Variants in FBXW4 observed in about 807,000 individuals in gnomAD.
The protein encoded by FBXW4 is F-box and WD repeat domain containing 4.
FBXW4 carries 40 observed loss-of-function variants against 61.8 expected under a neutral mutation model. The observed-to-expected ratio is 0.65, with a 90% confidence interval of 0.50 to 0.84. The LOEUF (loss-of-function observed/expected upper bound fraction) is 0.84. FBXW4 is among the 40% of genes least tolerant of loss of function. FBXW4 has a pLI of 0.00. For missense variants in FBXW4, 672 were observed against 753.8 expected, an observed-to-expected ratio of 0.89 and a Z score of 1.27; for synonymous variants, 311 against 313.8, an observed-to-expected ratio of 0.99 and a Z score of 0.10.
chr10:101,684,950 T>C (rs2064519666), intron 1 of FBXW4, among the ~76,000 whole-genome samples: 1 of 152,214 alleles, frequency 6.6e-6, no homozygotes, highest in Admixed American at 6.5e-5. Context: ...TGGAGCTGAC[T>C]GAACTGACCC....
upstream of FBXW4, chr10:101,695,226 C>G (rs962697150): frequency 1.2e-5 from 12 of 980,684 alleles, no homozygotes; most frequent in Non-Finnish European, 1.5e-5. The surrounding 1 kb of genome is among the most constrained non-coding windows in gnomAD (Gnocchi z 4.2). Flanking sequence ...GAGCCCTGGG[C>G]ACGCCCCTCA....
intron 4 of FBXW4, among the ~76,000 whole-genome samples, chr10:101,668,820 C>G (rs892601238): frequency 6.6e-6 from 1 of 152,156 alleles, no homozygotes; most frequent in African/African-American, 2.4e-5. Context: ...ATGACACACA[C>G]AGGGACATAA....
chr10:101,677,163 C>T (rs2064421028), intron 1 of FBXW4, among the ~76,000 whole-genome samples: 2 of 152,116 alleles, frequency 1.3e-5, no homozygotes, highest in South Asian at 4.1e-4. Context: ...TAAATCTAAA[C>T]ATATGTGTAC....
At chr10:101,622,727 C>CAAAAAAAAAAA (rs61319559) in intron 6 of FBXW4, 1 of 48,382 alleles carries the variant, frequency 2.1e-5, no homozygotes, top group Non-Finnish European at 3.9e-5. Context: ...GACTTCATCT[C>CAAAAAAAAAAA]AAAAAAAAAA....
chr10:101,668,794 C>A (rs1285063263), intron 4 of FBXW4, among the ~76,000 whole-genome samples: 2 of 152,174 alleles, frequency 1.3e-5, no homozygotes, highest in Non-Finnish European at 2.9e-5. Context: ...TCCCCCCTCA[C>A]TTCACCCTAC....
Position 101,694,392 on chromosome 10 carries a change from G to A in FBXW4, c.714C>T (p.Leu238=). ...GAGCGGACGCTTACAGGTCGGTGCC[G>A]AGCCGCGTGAAGCCGGAGTTGAGCG... is the stretch of plus-strand genomic sequence containing the variant. ...RASLNSGFTR[L]GTDLMTSVPV... Residue 238 remains leucine (L), a synonymous_variant, in exon 1 of 9, where the codon CTC becomes CTT. Transcript: ENST00000331272. The surrounding 1 kb of genome is among the most constrained non-coding windows in gnomAD (Gnocchi z 6.0). The A allele has an allele frequency of 1.4e-6, 2 of 1,474,028 alleles. No individual in the cohort carries two copies. The highest frequency in any genetic ancestry group is 1.4e-5 in the South Asian group (1 of 73,836). The allele number at this position is 1,474,028 out of a possible 1,614,324, so 91.3% of individuals were successfully genotyped here. A position where few individuals can be genotyped will look rare whatever the true frequency, so the allele number is the denominator to read the frequency against.
At chr10:101,647,247 A>T (rs1027693940) in intron 5 of FBXW4, among the ~76,000 whole-genome samples, 1 of 152,110 alleles carries the variant, frequency 6.6e-6, no homozygotes, top group Non-Finnish European at 1.5e-5. Context: ...TAGGGAATGG[A>T]TCTCTCACCC....
chr10:101,657,519 A>G (rs1380679315), intron 5 of FBXW4, among the ~76,000 whole-genome samples: 1 of 151,708 alleles, frequency 6.6e-6, no homozygotes, highest in Non-Finnish European at 1.5e-5. Flanking sequence ...CTGTAGTACC[A>G]GCTACTTGGG....
intron 1 of FBXW4, among the ~76,000 whole-genome samples, chr10:101,685,690 C>T (rs536131758): frequency 2.0e-5 from 3 of 152,136 alleles, no homozygotes; most frequent in African/African-American, 7.2e-5. Context: ...CTGAAACTTG[C>T]TTTTTTAAAA....
At chr10:101,663,902 A>G (rs2064269855) in intron 5 of FBXW4, among the ~76,000 whole-genome samples, 1 of 152,228 alleles carries the variant, frequency 6.6e-6, no homozygotes, top group Admixed American at 6.5e-5. Context: ...CAGGTCATGA[A>G]TCTTAAAAAC....
At chr10:101,635,130 G>C (rs1379356891) in intron 5 of FBXW4, among the ~76,000 whole-genome samples, 1 of 149,112 alleles carries the variant, frequency 6.7e-6, no homozygotes, top group East Asian at 1.9e-4. Flanking sequence ...GTTAGATCAG[G>C]GGTAGCATTA....
chr10:101,668,152 C>T (rs185025596), intron 4 of FBXW4, among the ~76,000 whole-genome samples, 172 bp from the exon 5 acceptor site: 1 of 152,324 alleles, frequency 6.6e-6, no homozygotes, highest in East Asian at 1.9e-4. Flanking sequence ...GGCTCACCTA[C>T]CCCCGCAGAT....
Position 101,636,990 on chromosome 10 carries a change from G to A in FBXW4, c.1236-12180C>T, listed in dbSNP as rs527799086. Among the ~76,000 whole-genome samples the A allele has an allele frequency of 1.5e-3, 225 of 152,212 alleles. 2 individuals carry two copies. The highest frequency in any genetic ancestry group is 5.0e-3 in the African/African-American group (206 of 41,516). On this transcript the variant is annotated intron_variant, in intron 5 of 8. Coordinates refer to ENST00000331272, the MANE Select transcript of FBXW4 (RefSeq NM_022039.4). ...TATTTGCTTCAAAATAATATGGGAC[G>A]GGAAAGTGTGTAGGGATTAATGGAG...
chr10:101,658,210 C>G (rs1331820119), intron 5 of FBXW4, among the ~76,000 whole-genome samples: 1 of 151,998 alleles, frequency 6.6e-6, no homozygotes, highest in Non-Finnish European at 1.5e-5. Flanking sequence ...GACCAGGACT[C>G]TGGTACATAG....
At chr10:101,672,142 G>T (rs907510406) in intron 4 of FBXW4, among the ~76,000 whole-genome samples, 2 of 152,166 alleles carry the variant, frequency 1.3e-5, no homozygotes, top group Non-Finnish European at 2.9e-5. Context: ...CTAGATGCTA[G>T]GAAATACATA....
chr10:101,625,229 C>T (rs1461849129), intron 5 of FBXW4: 2 of 199,374 alleles, frequency 1.0e-5, no homozygotes, highest in East Asian at 2.5e-4. Flanking sequence ...AGGTGCTGCC[C>T]GTGGTCAGAA....
chr10:101,673,318 C>G (rs2064375785), intron 3 of FBXW4, among the ~76,000 whole-genome samples, 170 bp downstream of exon 3: 2 of 152,206 alleles, frequency 1.3e-5, no homozygotes, highest in South Asian at 4.1e-4. Flanking sequence ...TTTTCCTTCT[C>G]CAGCTAACCC....
At chr10:101,655,673 A>G (rs2064178708) in intron 5 of FBXW4, among the ~76,000 whole-genome samples, 1 of 151,918 alleles carries the variant, frequency 6.6e-6, no homozygotes, top group Non-Finnish European at 1.5e-5. Context: ...CAGCTGCAAC[A>G]AGGCGGAAAA....
At chr10:101,646,388 A>G (rs1413103836) in intron 5 of FBXW4, among the ~76,000 whole-genome samples, 1 of 152,174 alleles carries the variant, frequency 6.6e-6, no homozygotes, top group African/African-American at 2.4e-5. Flanking sequence ...CTCACTCCCT[A>G]CCATTAGCCT....
Sources: gnomAD v4.1 joint callset for allele counts (sites outside exome capture counted in the v4.1 genomes callset) on GRCh38, gnomAD v4.1.1 for gene constraint, Gnocchi (gnomAD v3.1) non-coding constraint, MANE v1.5 for transcripts, NCBI Gene and HGNC (gene_info 2026-07-23, HGNC 2026-07-21) for gene names.